The following EXTL3 variants were observed in gnomAD, a reference collection of about 807,000 sequenced individuals.
EXTL3 encodes exostosin-like 3.
Under a neutral mutation model 69.3 loss-of-function variants are expected in EXTL3, and 27 were observed. That is an observed-to-expected ratio of 0.39 (90% CI 0.29 to 0.54). The LOEUF (loss-of-function observed/expected upper bound fraction) is 0.54. EXTL3 is among the 20% of genes least tolerant of loss of function. The pLI is 0.69. For synonymous variants in EXTL3, 511 were observed against 499.4 expected (o/e 1.02, Z -0.31); for missense variants, 1,003 against 1,231.8 (o/e 0.81, Z 2.78).
At chr8:28,608,386 G>GCT (rs1488863624) in intron 2 of EXTL3, among the ~76,000 whole-genome samples, 1 of 152,034 alleles carries the variant, frequency 6.6e-6, no homozygotes, top group South Asian at 2.1e-4. Flanking sequence ...CCAAGATAAG[G>GCT]CTCTCCACTT....
At chr8:28,646,306 T>C (rs1259945872) in intron 1 of EXTL3, among the ~76,000 whole-genome samples, 4 of 152,272 alleles carry the variant, frequency 2.6e-5, no homozygotes, top group African/African-American at 9.6e-5. Flanking sequence ...ACATTTCTTT[T>C]ACTTTCTTGC....
At chr8:28,618,364 G>T (rs1488690502), upstream of EXTL3, among the ~76,000 whole-genome samples, 1 of 152,048 alleles carries the variant, frequency 6.6e-6, no homozygotes, top group African/African-American at 2.4e-5. Flanking sequence ...CAAGATTCCT[G>T]GCATGGGAAT....
chr8:28,744,205 T>C (rs1412352504), intron 6 of EXTL3: 1 of 152,240 alleles, frequency 6.6e-6, no homozygotes, highest in Non-Finnish European at 1.5e-5. Flanking sequence ...GTCTGTTTCA[T>C]AATTGAAGAA....
intron 2 of EXTL3, among the ~76,000 whole-genome samples, chr8:28,616,526 C>T (rs1362297420): frequency 6.6e-6 from 1 of 151,902 alleles, no homozygotes; most frequent in African/African-American, 2.4e-5. Context: ...ACTTGGGAGG[C>T]TGAGGCAGGA....
intron 1 of EXTL3, among the ~76,000 whole-genome samples, chr8:28,628,254 C>T (rs146223473): frequency 3.3e-5 from 5 of 152,244 alleles, no homozygotes; most frequent in East Asian, 1.9e-4. Flanking sequence ...TCCAGCTACT[C>T]GGGAGGCTGA....
Position 28,725,494 on chromosome 8 carries a change from C to T in EXTL3, c.2149-5729C>T, listed in dbSNP as rs1017619855. 7.9e-5 allele frequency among the ~76,000 whole-genome samples: 12 copies of T among 152,122 alleles called. 1 individual carries two copies. Among genetic ancestry groups the T allele is most frequent in the African/African-American group, 9.7e-5 (4 of 41,410 alleles). On this transcript the variant is annotated intron_variant, in intron 3 of 6. Transcript: ENST00000220562. ...ATTATTAAAGATATTGAATGTTTAC[C>T]TATAATTTTGATCTAGAAACTTCTC...
intron 4 of EXTL3, 90 bp from the exon 5 acceptor site, chr8:28,737,429 A>AGCTT (rs1213706470): frequency 5.7e-6 from 8 of 1,405,590 alleles, no homozygotes; most frequent in East Asian, 2.3e-5. Context: ...TAAGGGCCAG[A>AGCTT]GCTTGTAAGG....
intron 1 of EXTL3, among the ~76,000 whole-genome samples, chr8:28,687,648 A>T (rs2130671358): frequency 6.6e-6 from 1 of 152,292 alleles, no homozygotes; most frequent in Admixed American, 6.5e-5. Context: ...AAAGATAGAG[A>T]TTTGGCTGCT....
chr8:28,739,903 T>C (rs1198747700), intron 5 of EXTL3: 4 of 152,232 alleles, frequency 2.6e-5, no homozygotes, highest in Admixed American at 1.3e-4. Context: ...GATGTACTTA[T>C]CTTCTGAATT....
At chr8:28,701,191 CAGA>C (rs1257300744), upstream of EXTL3, 1 of 152,190 alleles carries the variant, frequency 6.6e-6, no homozygotes, top group Admixed American at 6.5e-5. Flanking sequence ...GCTCGGGAGT[CAGA>C]CCCGGTTCCC....
chr8:28,675,637 A>G (rs1244010454), intron 1 of EXTL3, among the ~76,000 whole-genome samples: 1 of 152,226 alleles, frequency 6.6e-6, no homozygotes, highest in Non-Finnish European at 1.5e-5. Flanking sequence ...AGTAGGTGGA[A>G]GGAACATAAA....
At chr8:28,743,519 T>TA (rs1360661208) in intron 6 of EXTL3, among the ~76,000 whole-genome samples, 5 of 152,370 alleles carry the variant, frequency 3.3e-5, no homozygotes, top group Non-Finnish European at 7.3e-5. Context: ...AAACAGGCTA[T>TA]AATTCATAAG....
At chr8:28,745,852 T>C (rs1801878099) in intron 6 of EXTL3, among the ~76,000 whole-genome samples, 1 of 152,238 alleles carries the variant, frequency 6.6e-6, no homozygotes, top group Admixed American at 6.5e-5. Context: ...TGCACATGAT[T>C]CTTACCAAGT....
At chr8:28,627,201 T>TA (rs1008825286) in intron 1 of EXTL3, among the ~76,000 whole-genome samples, 25 of 145,368 alleles carry the variant, frequency 1.7e-4, no homozygotes, top group South Asian at 4.4e-4. Context: ...AAAAAAAAAT[T>TA]AAAAAAAATA....
At chr8:28,620,021 C>A (rs540267110), upstream of EXTL3, among the ~76,000 whole-genome samples, 18 of 151,834 alleles carry the variant, frequency 1.2e-4, no homozygotes, top group African/African-American at 3.6e-4. Flanking sequence ...CAGGCGCCTG[C>A]CACCATGCCC....
At chr8:28,711,309 C>T (rs570021552) in intron 1 of EXTL3, among the ~76,000 whole-genome samples, 3 of 152,110 alleles carry the variant, frequency 2.0e-5, no homozygotes, top group East Asian at 3.9e-4. Flanking sequence ...TTTCTGTTTT[C>T]GATTTCGTTG....
chr8:28,690,907 C>G (rs958657947), intron 1 of EXTL3, among the ~76,000 whole-genome samples: 5 of 152,024 alleles, frequency 3.3e-5, no homozygotes, highest in African/African-American at 1.2e-4. Context: ...GTGTGAATAC[C>G]AGGGGGCAGG....
chr8:28,628,599 A>T (rs376157916), intron 1 of EXTL3, among the ~76,000 whole-genome samples: 104 of 152,328 alleles, frequency 6.8e-4, no homozygotes, highest in African/African-American at 2.3e-3. Context: ...AAAAAGTCCT[A>T]TGGTATGTCA....
intron 6 of EXTL3, among the ~76,000 whole-genome samples, chr8:28,749,059 GAAAA>G (rs1801949496): frequency 6.6e-6 from 1 of 152,138 alleles, no homozygotes; most frequent in African/African-American, 2.4e-5. Flanking sequence ...TCCCACTTAA[GAAAA>G]AGAGAAATTT....
Sources: gnomAD v4.1 joint callset for allele counts (sites outside exome capture counted in the v4.1 genomes callset) on GRCh38, gnomAD v4.1.1 for gene constraint, MANE v1.5 for transcripts, NCBI Gene and HGNC (gene_info 2026-07-23, HGNC 2026-07-21) for gene names.